The following SECTM1 variants were observed in gnomAD, a reference collection of about 807,000 sequenced individuals.
The protein encoded by SECTM1 is secreted and transmembrane 1, also known as secreted and transmembrane protein 1.
SECTM1 carries 10 observed loss-of-function variants against 18.1 expected under a neutral mutation model. That is an observed-to-expected ratio of 0.55 (90% CI 0.34 to 0.94). The LOEUF is 0.94. Among genes scored for constraint, SECTM1 ranks in the 40% least tolerant of loss-of-function variants. SECTM1 has a pLI of 0.02. For synonymous variants in SECTM1, 137 were observed against 139.2 expected, an observed-to-expected ratio of 0.98 and a Z score of 0.11; for missense variants, 297 against 322.6, an observed-to-expected ratio of 0.92 and a Z score of 0.61.
In SECTM1 at chr17:82,322,055, CA is replaced by C. The variant is rs2052095650; in HGVS notation, c.*105del. The C allele has an allele frequency of 6.3e-6, 7 of 1,111,730 alleles. No homozygotes were observed. The highest frequency in any genetic ancestry group is 2.9e-4 in the Middle Eastern group (1 of 3,414). The allele number at this position is 1,111,730 out of a possible 1,614,324, so 68.9% of individuals were successfully genotyped here. ...TGACACAGAGGCCCAGCCTGCCAAG[CA>C]AGCCGGTGTCTGTGCCCTCCGGGTG... On this transcript the variant is annotated 3_prime_UTR_variant, in exon 5 of 5. Transcript: ENST00000269389.
At chr17:82,333,424 G>GAC (rs2052208377) in intron 1 of SECTM1, among the ~76,000 whole-genome samples, 1 of 152,086 alleles carries the variant, frequency 6.6e-6, no homozygotes, top group Non-Finnish European at 1.5e-5. Context: ...ACTCGGGTAC[G>GAC]CCCGCTGCGA....
intron 1 of SECTM1, among the ~76,000 whole-genome samples, chr17:82,333,065 A>C (rs1159321097): frequency 6.6e-6 from 1 of 152,226 alleles, no homozygotes. Context: ...CTGCCGGGTG[A>C]GGGAAGCCTC....
chr17:82,329,011 G>T lies in SECTM1; in HGVS notation c.-52-1719C>A, dbSNP rs1365965954. ...GATGTCTATAGATTTATAGATGTGT[G>T]TTTCTCCAAACAAATAAACCACCAG... On this transcript the variant is annotated intron_variant, in intron 1 of 4. Transcript: ENST00000269389. This position sits in a 1 kb window ranked among gnomAD's most constrained non-coding sequence, Gnocchi z 7.6. Among the ~76,000 whole-genome samples, 1 of 152,176 alleles carries T rather than the reference G, an allele frequency of 6.6e-6. No individual in the cohort carries two copies.
chr17:82,332,917 G>A (rs1454189736), intron 1 of SECTM1, among the ~76,000 whole-genome samples: 1 of 152,168 alleles, frequency 6.6e-6, no homozygotes, highest in Non-Finnish European at 1.5e-5. Flanking sequence ...CCTCCTAGAA[G>A]CCGGGGATCC....
intron 1 of SECTM1, among the ~76,000 whole-genome samples, chr17:82,333,254 G>C (rs2052206473): frequency 6.6e-6 from 1 of 152,228 alleles, no homozygotes; most frequent in Non-Finnish European, 1.5e-5. Flanking sequence ...GGGAACCCCG[G>C]GTGAGGCCGA....
In SECTM1 at chr17:82,327,132, G is replaced by A. The variant is rs2052153213; in HGVS notation, c.94+15C>T. ...CCCCCTTTCCCCAGCAGAGAGGCGGGGCCCCGAGACCTACCTTCATTCTGA... is the reference window on the plus strand; with the variant it reads ...CCCCCTTTCCCCAGCAGAGAGGCGGAGCCCCGAGACCTACCTTCATTCTGA... On this transcript the variant is annotated intron_variant, in intron 2 of 4. Transcript: ENST00000269389. 1 of 1,586,894 alleles carries A rather than the reference G, an allele frequency of 6.3e-7. No homozygotes were observed. The highest frequency in any genetic ancestry group is 2.3e-5 in the East Asian group (1 of 43,820).
At chr17:82,324,515 AGG>A in intron 3 of SECTM1, 65 bp downstream of exon 3, 1 of 99,898 alleles carries the variant, frequency 1.0e-5, no homozygotes, top group South Asian at 6.3e-5. Flanking sequence ...CCCCCTGCCC[AGG>A]CCCCCTCCCC....
intron 1 of SECTM1, 69 bp from the exon 2 acceptor site, chr17:82,327,361 C>T: frequency 1.1e-6 from 1 of 905,830 alleles, no homozygotes; most frequent in South Asian, 1.5e-5. Flanking sequence ...GAGCGGCTGT[C>T]ACCTGGCGGG....
intron 4 of SECTM1, 126 bp from the exon 5 acceptor site, chr17:82,322,496 C>T: frequency 2.2e-6 from 2 of 927,728 alleles, no homozygotes; most frequent in Non-Finnish European, 1.7e-6. Flanking sequence ...CAGGCACACT[C>T]CCAGCCCTCG....
intron 1 of SECTM1, among the ~76,000 whole-genome samples, chr17:82,333,498 A>G (rs2147272959): frequency 6.7e-6 from 1 of 149,888 alleles, no homozygotes; most frequent in East Asian, 2.0e-4. Context: ...CCAGAGGCAG[A>G]GGCGCCGCAG....
At chr17:82,322,819 TG>T in intron 4 of SECTM1, 58 bp downstream of exon 4, 2 of 1,593,330 alleles carry the variant, frequency 1.3e-6, no homozygotes, top group Non-Finnish European at 1.7e-6. Context: ...GACCTCAGCC[TG>T]GGGCAGCCCC....
At chr17:82,322,824 C>A in intron 4 of SECTM1, 54 bp downstream of exon 4, 3 of 1,597,916 alleles carry the variant, frequency 1.9e-6, no homozygotes, top group South Asian at 1.1e-5. Flanking sequence ...CAGCCTGGGG[C>A]AGCCCCACCC....
rs2147270502 is a variant in SECTM1, at chr17:82,329,880, C to T, written c.-52-2588G>A. The stretch of plus-strand genomic sequence containing the variant: ...TCTCCTGGAGACCCTGTGATGGCAT[C>T]AAGGGCCCCCCTGGGTGACCCAGGA... On this transcript the variant is annotated intron_variant, in intron 1 of 4. Coordinates refer to ENST00000269389, the MANE Select transcript of SECTM1 (RefSeq NM_003004.3). This position sits in a 1 kb window ranked among gnomAD's most constrained non-coding sequence, Gnocchi z 7.6. Among the ~76,000 whole-genome samples, 3 of 152,260 alleles carry T rather than the reference C, an allele frequency of 2.0e-5. No homozygotes were observed. In the East Asian group the frequency reaches 5.8e-4, roughly 29 times the overall value.
chr17:82,322,333 G>C lies in SECTM1; in HGVS notation c.575C>G (p.Ala192Gly). Residue 192 changes from alanine to glycine, a missense_variant, in exon 5 of 5, where the codon GCA becomes GGA. Coordinates refer to ENST00000269389, the MANE Select transcript of SECTM1 (RefSeq NM_003004.3). ...CTGCTGGGCTCCCGCTCTGAGGGCT[G>C]CGACCTTCATCTGGGGTTCTAGGAG... ...FFLLEPQMKV[A>G]ALRAGAQQGL... The C allele has an allele frequency of 8.1e-6, 13 of 1,613,696 alleles. No homozygotes were observed. Among genetic ancestry groups the C allele is most frequent in the African/African-American group, 1.3e-5 (1 of 75,036 alleles).
At chr17:82,332,880 C>T (rs75837323) in intron 1 of SECTM1, among the ~76,000 whole-genome samples, 6,097 of 152,320 alleles carry the variant, frequency 0.04, 144 homozygotes, top group African/African-American at 0.046. Flanking sequence ...GCCTCCTACG[C>T]GGGCTCCTGC....
In SECTM1 at chr17:82,328,963, G is replaced by A. The variant is rs11868469; in HGVS notation, c.-52-1671C>T. Among the ~76,000 whole-genome samples, 2,097 of 152,274 alleles carry A rather than the reference G, an allele frequency of 0.014. 48 individuals carry two copies. Among genetic ancestry groups the A allele is most frequent in the African/African-American group, 0.048 (2,003 of 41,530 alleles). On this transcript the variant is annotated intron_variant, in intron 1 of 4. Transcript: ENST00000269389. This position sits in a 1 kb window ranked among gnomAD's most constrained non-coding sequence, Gnocchi z 5.8. The stretch of plus-strand genomic sequence containing the variant: ...CTCCCATGAGGGAACTCTGTAAAGC[G>A]ACCTTCAGACGTGCTATTTATAGAT...
In SECTM1 at chr17:82,330,768, T is replaced by C. The variant is rs1165843591; in HGVS notation, c.-53+2932A>G. ...CTGCAGTGCTGGCTCCTAGCCTCCC[T>C]GCCGATTGCTTCCTGAAGACCTGGG... On this transcript the variant is annotated intron_variant, in intron 1 of 4. Coordinates refer to ENST00000269389, the MANE Select transcript of SECTM1 (RefSeq NM_003004.3). This position sits in a 1 kb window ranked among gnomAD's most constrained non-coding sequence, Gnocchi z 6.1. Among the ~76,000 whole-genome samples the C allele has an allele frequency of 6.6e-6, 1 of 152,054 alleles. No individual in the cohort carries two copies. Among genetic ancestry groups the C allele is most frequent in the Non-Finnish European group, 1.5e-5 (1 of 67,998 alleles).
At chr17:82,322,846 C>T (rs2052107354) in intron 4 of SECTM1, 32 bp downstream of exon 4, 1 of 1,611,064 alleles carries the variant, frequency 6.2e-7, no homozygotes, top group Non-Finnish European at 8.5e-7. Flanking sequence ...AGACTCCCCA[C>T]CCCGCACAAA....
intron 1 of SECTM1, among the ~76,000 whole-genome samples, chr17:82,333,265 G>A (rs929563841): frequency 5.9e-5 from 9 of 152,248 alleles, no homozygotes; most frequent in Non-Finnish European, 1.2e-4. Flanking sequence ...GTGAGGCCGA[G>A]GACCGGGAAG....
Sources: allele counts gnomAD v4.1 joint callset (sites outside exome capture counted in the v4.1 genomes callset), GRCh38; gene constraint gnomAD v4.1.1; non-coding constraint Gnocchi (gnomAD v3.1); transcripts MANE v1.5; gene names NCBI Gene and HGNC (gene_info 2026-07-23, HGNC 2026-07-21).